The following ITGAL variants were observed in gnomAD, a reference collection of about 807,000 sequenced individuals.
ITGAL encodes integrin alpha-L.
Under a neutral mutation model 138.4 loss-of-function variants are expected in ITGAL, and 68 were observed. The observed-to-expected ratio is 0.49, with a 90% CI of 0.40 to 0.60. The LOEUF (loss-of-function observed/expected upper bound fraction) is 0.60, where lower values mean the gene tolerates loss of function less well. Among genes scored for constraint, ITGAL ranks in the 20% least tolerant of loss-of-function variants. ITGAL has a pLI of 0.00. For synonymous variants in ITGAL, 561 were observed against 584.3 expected, an observed-to-expected ratio of 0.96 and a Z score of 0.57; for missense variants, 1,256 against 1,478.6, an observed-to-expected ratio of 0.85 and a Z score of 2.47.
In ITGAL at chr16:30,519,853, C is replaced by T; in HGVS notation, c.3229-4C>T. ...TTCCGGCACTCCCCTCCCCCTGCTC[C>T]CAGGTTGTCATGAAGGTTGACGTGG... is the stretch of plus-strand genomic sequence containing the variant. On this transcript the variant is annotated splice_region_variant and splice_polypyrimidine_tract_variant and intron_variant, in intron 29 of 30. Transcript: ENST00000356798. The T allele has an allele frequency of 6.2e-7, 1 of 1,607,292 alleles. No homozygotes were observed. The highest frequency in any genetic ancestry group is 8.5e-7 in the Non-Finnish European group (1 of 1,173,892).
In ITGAL at chr16:30,494,171, A is replaced by G. The variant is rs751443526; in HGVS notation, c.1214-41A>G. The G allele has an allele frequency of 6.6e-7, 1 of 1,518,790 alleles. No individual in the cohort carries two copies. The highest frequency in any genetic ancestry group is 8.9e-7 in the Non-Finnish European group (1 of 1,117,788). 94.1% of individuals were successfully genotyped at this position (1,518,790 alleles called of 1,614,324 possible). A position where few individuals can be genotyped will look rare whatever the true frequency, so the allele number is the denominator to read the frequency against. ...CTCTCCTGCTGGGTGTTCTTCCAGC[A>G]TCCTGTGTTCCTAACTCCACACCCC... On this transcript the variant is annotated intron_variant, in intron 11 of 30. Transcript: ENST00000356798. The surrounding 1 kb of genome is among the most constrained non-coding windows in gnomAD (Gnocchi z 4.2).
At chr16:30,492,518 CT>C (rs1374525263) in intron 11 of ITGAL, among the ~76,000 whole-genome samples, 1 of 151,316 alleles carries the variant, frequency 6.6e-6, no homozygotes, top group Admixed American at 6.6e-5. Flanking sequence ...TCCCAGAGTG[CT>C]GGGATTACAG....
At chr16:30,519,562 G>A (rs1012482133) in intron 29 of ITGAL, among the ~76,000 whole-genome samples, 2 of 152,142 alleles carry the variant, frequency 1.3e-5, no homozygotes, top group African/African-American at 4.8e-5. Flanking sequence ...CAGAGGGGAG[G>A]AGGGAAGCTG....
intron 20 of ITGAL, among the ~76,000 whole-genome samples, 157 bp from the exon 21 acceptor site, chr16:30,506,558 C>CAAAA (rs57722064): frequency 6.3e-5 from 3 of 47,912 alleles, no homozygotes; most frequent in African/African-American, 8.3e-5. Context: ...GACTCCATCT[C>CAAAA]AAAAAAAAAA....
chr16:30,477,608 A>G (rs1034555004), intron 4 of ITGAL, among the ~76,000 whole-genome samples: 1 of 152,094 alleles, frequency 6.6e-6, no homozygotes, highest in Non-Finnish European at 1.5e-5. Context: ...AGAAATTGCA[A>G]TCTGGCAGGA....
chr16:30,513,179 A>T (rs907421744), intron 24 of ITGAL, among the ~76,000 whole-genome samples: 1 of 152,222 alleles, frequency 6.6e-6, no homozygotes, highest in Non-Finnish European at 1.5e-5. Context: ...AGATGTCCTC[A>T]TCAGAGACCA....
chr16:30,521,792 C>T lies in ITGAL; in HGVS notation c.*127C>T. On this transcript the variant is annotated 3_prime_UTR_variant, in exon 31 of 31. Transcript: ENST00000356798. ...TGCCTCTCCCTGGCCCTCAGTTTCC[C>T]TATCTCGAACATGGAACTCATTCCT... The T allele has an allele frequency of 3.4e-6, 3 of 871,014 alleles. No homozygotes were observed. Among genetic ancestry groups the T allele is most frequent in the Non-Finnish European group, 5.2e-6 (3 of 580,502 alleles). 54.0% of individuals were successfully genotyped at this position (871,014 alleles called of 1,614,324 possible). A position where few individuals can be genotyped will look rare whatever the true frequency, so the allele number is the denominator to read the frequency against.
intron 24 of ITGAL, among the ~76,000 whole-genome samples, chr16:30,511,604 G>A (rs1170511368): frequency 1.3e-5 from 2 of 152,192 alleles, no homozygotes; most frequent in Non-Finnish European, 2.9e-5. Context: ...GCTCCTGACT[G>A]TTTCAGTCAC....
intron 21 of ITGAL, 36 bp from the exon 22 acceptor site, chr16:30,510,325 C>G (rs1161192553): frequency 1.5e-6 from 2 of 1,297,260 alleles, no homozygotes; most frequent in Non-Finnish European, 2.2e-6. Flanking sequence ...CTTGGCCTTG[C>G]TCATTAACAA....
In ITGAL at chr16:30,504,228, T is replaced by G. The variant is rs764614482; in HGVS notation, c.2199T>G (p.Leu733=). Residue 733 remains leucine, a synonymous_variant, in exon 18 of 31, where the codon CTT becomes CTG. Coordinates refer to ENST00000356798, the MANE Select transcript of ITGAL (RefSeq NM_002209.3). The part of the protein sequence containing the change: ...SPINVSLNFS[L]WEEEGTPRDQ... ...TCAATGTTTCCCTGAATTTCTCTCTTTGGGAGGAGGAAGGGACACCGAGGG... is the reference window on the plus strand; with the variant it reads ...TCAATGTTTCCCTGAATTTCTCTCTGTGGGAGGAGGAAGGGACACCGAGGG... 1.2e-6 allele frequency: 2 copies of G among 1,613,550 alleles called. No homozygotes were observed. Among genetic ancestry groups the G allele is most frequent in the Non-Finnish European group, 1.7e-6 (2 of 1,179,614 alleles).
chr16:30,476,885 C>T (rs193160828), intron 4 of ITGAL, among the ~76,000 whole-genome samples: 3 of 152,224 alleles, frequency 2.0e-5, no homozygotes, highest in Admixed American at 6.5e-5. Context: ...CTGCCCGCCT[C>T]GGCCTCCCAA....
At chr16:30,480,270 CCTT>C (rs2050534426) in intron 6 of ITGAL, among the ~76,000 whole-genome samples, 1 of 152,142 alleles carries the variant, frequency 6.6e-6, no homozygotes, top group African/African-American at 2.4e-5. Flanking sequence ...GTCTTTGCTT[CCTT>C]CTTCTCTTTT....
intron 17 of ITGAL, among the ~76,000 whole-genome samples, chr16:30,501,174 AT>A (rs2050892299): frequency 1.3e-5 from 2 of 152,072 alleles, no homozygotes; most frequent in Non-Finnish European, 2.9e-5. Flanking sequence ...ATTTATGGGC[AT>A]TTTTAACATG....
chr16:30,474,423 G>T (rs775428314), intron 2 of ITGAL, 125 bp downstream of exon 2: 9 of 650,858 alleles, frequency 1.4e-5, no homozygotes, highest in Non-Finnish European at 2.5e-5. Flanking sequence ...AGGGGTTCCC[G>T]TCTGGAGGAG....
intron 11 of ITGAL, among the ~76,000 whole-genome samples, chr16:30,490,580 C>T (rs1257050973): frequency 6.6e-6 from 1 of 152,174 alleles, no homozygotes; most frequent in Admixed American, 6.6e-5. Context: ...AGTGCCTACT[C>T]CCTCTTGGAA....
rs1453790538 is a variant in ITGAL at position 30,494,178 on chromosome 16, G to A, written c.1214-34G>A. 1 of 1,544,698 alleles carries A rather than the reference G, an allele frequency of 6.5e-7. No individual in the cohort carries two copies. The highest frequency in any genetic ancestry group is 1.4e-5 in the African/African-American group (1 of 73,860). On this transcript the variant is annotated intron_variant, in intron 11 of 30. Transcript: ENST00000356798. This position sits in a 1 kb window ranked among gnomAD's most constrained non-coding sequence, Gnocchi z 4.2. ...GCTGGGTGTTCTTCCAGCATCCTGT[G>A]TTCCTAACTCCACACCCCACACACT...
intron 2 of ITGAL, among the ~76,000 whole-genome samples, chr16:30,474,846 C>CTTTTT (rs1205873810): frequency 1.6e-5 from 2 of 125,258 alleles, no homozygotes; most frequent in Non-Finnish European, 1.7e-5. Flanking sequence ...GAGGCATCTT[C>CTTTTT]TTTTTTTTTT....
intron 6 of ITGAL, chr16:30,481,175 CACACACACCA>C: frequency 1.8e-5 from 7 of 393,430 alleles, no homozygotes; most frequent in East Asian, 5.8e-5. Flanking sequence ...CACACACACA[CACACACACCA>C]CACACACACA....
chr16:30,513,336 G>A (rs1201685665), intron 24 of ITGAL, among the ~76,000 whole-genome samples: 3 of 152,180 alleles, frequency 2.0e-5, no homozygotes, highest in African/African-American at 4.8e-5. Flanking sequence ...ACCCTCCCTC[G>A]CAGTAGGGGG....
Sources: gnomAD v4.1 joint callset for allele counts (sites outside exome capture counted in the v4.1 genomes callset) on GRCh38, gnomAD v4.1.1 for gene constraint, Gnocchi (gnomAD v3.1) non-coding constraint, MANE v1.5 for transcripts, NCBI Gene and HGNC (gene_info 2026-07-23, HGNC 2026-07-21) for gene names.